CTNNA3: variants seen among roughly 807,000 people sequenced by gnomAD.
The protein encoded by CTNNA3 is catenin alpha 3.
A neutral mutation model predicts 95.7 loss-of-function variants in CTNNA3; 76 were observed. That is an observed-to-expected ratio of 0.79 (90% CI 0.66 to 0.96). The LOEUF is 0.96. Among genes scored for constraint, CTNNA3 ranks in the 40% least tolerant of loss-of-function variants. CTNNA3 has a pLI of 0.00. For synonymous variants in CTNNA3, 431 were observed against 374.4 expected (o/e 1.15, Z -1.74); for missense variants, 1,191 against 1,089.8 (o/e 1.09, Z -1.31).
intron 7 of CTNNA3, chr10:66,928,206 C>G: frequency 6.2e-7 from 1 of 1,614,092 alleles, no homozygotes; most frequent in South Asian, 1.1e-5. Flanking sequence ...TTTTCCTGTC[C>G]GTGCTCGTCA....
At chr10:66,319,016 C>A (rs1247813550) in intron 12 of CTNNA3, among the ~76,000 whole-genome samples, 1 of 151,794 alleles carries the variant, frequency 6.6e-6, no homozygotes, top group African/African-American at 2.4e-5. Context: ...AAGGAGCTAG[C>A]AAATACTTAA....
intron 5 of CTNNA3, among the ~76,000 whole-genome samples, chr10:67,252,564 T>C (rs1171028521): frequency 2.0e-5 from 3 of 152,198 alleles, no homozygotes; most frequent in African/African-American, 7.2e-5. Context: ...TGTCTCAAAA[T>C]ACCTTATCAT....
chr10:66,100,282 G>A (rs2081567321), intron 14 of CTNNA3, among the ~76,000 whole-genome samples: 1 of 152,138 alleles, frequency 6.6e-6, no homozygotes, highest in South Asian at 2.1e-4. Flanking sequence ...TTGGTCAAGA[G>A]TTGCTCTATG....
intron 7 of CTNNA3, among the ~76,000 whole-genome samples, chr10:66,879,593 A>G (rs1844765415): frequency 6.6e-6 from 1 of 152,112 alleles, no homozygotes; most frequent in African/African-American, 2.4e-5. Context: ...GTGACCTAGT[A>G]GAAGAGATAA....
intron 5 of CTNNA3, among the ~76,000 whole-genome samples, chr10:67,339,885 T>C (rs762760214): frequency 1.6e-4 from 25 of 152,310 alleles, no homozygotes; most frequent in African/African-American, 5.0e-4. Flanking sequence ...TGGAATATGA[T>C]GTTTATTCCT....
chr10:66,860,724 T>A (rs1387119865), intron 7 of CTNNA3, among the ~76,000 whole-genome samples: 1 of 152,232 alleles, frequency 6.6e-6, no homozygotes, highest in African/African-American at 2.4e-5. Flanking sequence ...TGTGGTTATA[T>A]AAATTATTTG....
At chr10:66,186,148 A>G (rs2086330668) in intron 13 of CTNNA3, among the ~76,000 whole-genome samples, 1 of 152,126 alleles carries the variant, frequency 6.6e-6, no homozygotes, top group Admixed American at 6.5e-5. Context: ...TAGAGAACTG[A>G]CAAGTGTTTG....
At chr10:66,342,433 T>A (rs1020579217) in intron 12 of CTNNA3, among the ~76,000 whole-genome samples, 3 of 152,058 alleles carry the variant, frequency 2.0e-5, no homozygotes. Flanking sequence ...ATATTTAAAC[T>A]TATGAAATTT....
intron 15 of CTNNA3, among the ~76,000 whole-genome samples, chr10:66,047,936 T>C (rs995911695): frequency 1.7e-4 from 26 of 151,902 alleles, no homozygotes; most frequent in Non-Finnish European, 2.5e-4. Flanking sequence ...GAAAGATCTC[T>C]ACAAGGAGAA....
At chr10:67,365,619 G>A (rs1843181841) in intron 5 of CTNNA3, among the ~76,000 whole-genome samples, 1 of 152,156 alleles carries the variant, frequency 6.6e-6, no homozygotes, top group South Asian at 2.1e-4. Context: ...ACAGACACAT[G>A]AAAAAATGCT....
chr10:67,410,281 C>T (rs374848736), intron 5 of CTNNA3, among the ~76,000 whole-genome samples: 2 of 151,988 alleles, frequency 1.3e-5, no homozygotes, highest in South Asian at 2.1e-4. Flanking sequence ...CAAGTTTTCA[C>T]TTACAAGTGG....
intron 12 of CTNNA3, among the ~76,000 whole-genome samples, chr10:66,348,943 T>C (rs1043146721): frequency 5.3e-5 from 8 of 152,120 alleles, no homozygotes; most frequent in African/African-American, 1.9e-4. Flanking sequence ...CTATTCTAAA[T>C]ATTTCTCTGA....
chr10:66,378,731 A>G (rs890403293), intron 12 of CTNNA3, among the ~76,000 whole-genome samples: 1 of 152,198 alleles, frequency 6.6e-6, no homozygotes, highest in African/African-American at 2.4e-5. Context: ...TGAAGGTAAG[A>G]GCATTTCTCT....
intron 5 of CTNNA3, among the ~76,000 whole-genome samples, chr10:67,269,003 C>A (rs150773754): frequency 1.3e-5 from 2 of 152,142 alleles, no homozygotes; most frequent in South Asian, 2.1e-4. Context: ...TGAATCCAGA[C>A]AGAGAATTAT....
At chr10:66,896,471 G>A (rs1311047698) in intron 7 of CTNNA3, among the ~76,000 whole-genome samples, 1 of 152,154 alleles carries the variant, frequency 6.6e-6, no homozygotes, top group Admixed American at 6.5e-5. Context: ...ATTAAAGGCT[G>A]CAAATTTTAT....
chr10:66,994,306 T>A (rs1443469171), intron 7 of CTNNA3, among the ~76,000 whole-genome samples: 1 of 152,198 alleles, frequency 6.6e-6, no homozygotes, highest in Non-Finnish European at 1.5e-5. Flanking sequence ...AAAAATGGGT[T>A]TGCCTGGCCT....
intron 10 of CTNNA3, among the ~76,000 whole-genome samples, chr10:66,582,959 A>G (rs1422295844): frequency 6.6e-6 from 1 of 151,816 alleles, no homozygotes; most frequent in Non-Finnish European, 1.5e-5. Context: ...TGAATTTGTT[A>G]AACCATCTCT....
intron 7 of CTNNA3, among the ~76,000 whole-genome samples, chr10:66,803,301 A>T (rs1841502766): frequency 6.6e-6 from 1 of 151,974 alleles, no homozygotes; most frequent in Non-Finnish European, 1.5e-5. Context: ...CCCCAAACTT[A>T]CATTAGCACA....
intron 3 of CTNNA3, among the ~76,000 whole-genome samples, chr10:67,573,185 G>A (rs1842031742): frequency 6.6e-6 from 1 of 152,188 alleles, no homozygotes; most frequent in African/African-American, 2.4e-5. Flanking sequence ...ACGAATTGGT[G>A]TATAGACAAT....
Sources: gnomAD v4.1 joint callset for allele counts (sites outside exome capture counted in the v4.1 genomes callset) on GRCh38, gnomAD v4.1.1 for gene constraint, MANE v1.5 for transcripts, NCBI Gene and HGNC (gene_info 2026-07-23, HGNC 2026-07-21) for gene names.